Variants in SEPTIN2 observed in about 807,000 individuals in gnomAD.
SEPTIN2 encodes the protein septin 2.
In SEPTIN2, 34 loss-of-function variants were observed where a neutral mutation model predicts 46.5. The observed-to-expected ratio is 0.73, with a 90% CI of 0.56 to 0.97. The LOEUF (loss-of-function observed/expected upper bound fraction) is 0.97. Ranked by LOEUF, SEPTIN2 falls within the 50% of genes least tolerant of loss-of-function variation. SEPTIN2 has a pLI of 0.00. For missense variants in SEPTIN2, 347 were observed against 448.4 expected (o/e 0.77, Z 2.04); for synonymous variants, 175 against 153.4 (o/e 1.14, Z -1.04).
intron 1 of SEPTIN2, among the ~76,000 whole-genome samples, chr2:241,320,784 C>G (rs892363320): frequency 6.6e-6 from 1 of 152,056 alleles, no homozygotes; most frequent in East Asian, 1.9e-4. Context: ...AGCAAAACTC[C>G]ATCTCAAAAA....
At position 241,337,367 on chromosome 2, in the gene SEPTIN2, TTC is replaced by T; in HGVS notation, c.342-13_342-12del. 6.2e-7 allele frequency: 1 copy of T among 1,608,572 alleles called. No individual in the cohort carries two copies. The highest frequency in any genetic ancestry group is 8.5e-7 in the Non-Finnish European group (1 of 1,177,224). ...TATACCCTATGATTATTGTTAATGT[TTC>T]TGTTTCTCTCAGTTTTAAGACAATT... On this transcript the variant is annotated splice_polypyrimidine_tract_variant and intron_variant, in intron 5 of 12. Coordinates refer to ENST00000391971, the MANE Select transcript of SEPTIN2 (RefSeq NM_004404.5).
At chr2:241,323,858 C>G (rs1164993358) in intron 1 of SEPTIN2, among the ~76,000 whole-genome samples, 5 of 152,294 alleles carry the variant, frequency 3.3e-5, no homozygotes, top group African/African-American at 1.2e-4. Flanking sequence ...CTATTGATTA[C>G]ACTTGAAGGG....
rs960426650 is a variant in SEPTIN2, at chr2:241,333,693, C to T, written c.131-1433C>T. Among the ~76,000 whole-genome samples the T allele has an allele frequency of 3.3e-5, 5 of 151,830 alleles. No homozygotes were observed. In the South Asian group the frequency reaches 6.3e-4, roughly 19 times the overall value. On this transcript the variant is annotated intron_variant, in intron 3 of 12. Coordinates refer to ENST00000391971, the MANE Select transcript of SEPTIN2 (RefSeq NM_004404.5). ...TAATTTTTTGTATTTTTAGTAGAGA[C>T]GGGGTTTCACCATGTTAGCCAGGAT...
At chr2:241,336,800 G>A (rs1467328996) in intron 5 of SEPTIN2, 2 of 170,536 alleles carry the variant, frequency 1.2e-5, no homozygotes, top group African/African-American at 4.8e-5. Context: ...TTCCTGAAAA[G>A]AATTGGCAGC....
intron 3 of SEPTIN2, among the ~76,000 whole-genome samples, chr2:241,333,478 G>A (rs1222771724): frequency 6.6e-6 from 1 of 152,138 alleles, no homozygotes; most frequent in Non-Finnish European, 1.5e-5. Flanking sequence ...TTAAAATGCA[G>A]TCCTAATTTT....
intron 1 of SEPTIN2, among the ~76,000 whole-genome samples, chr2:241,320,449 A>G (rs1053600273): frequency 5.3e-5 from 8 of 151,970 alleles, no homozygotes; most frequent in African/African-American, 4.8e-5. Flanking sequence ...CTACTTTTCT[A>G]TATTTGCTAT....
At chr2:241,326,865 G>A (rs892305404) in intron 3 of SEPTIN2, among the ~76,000 whole-genome samples, 4 of 152,104 alleles carry the variant, frequency 2.6e-5, no homozygotes, top group Non-Finnish European at 4.4e-5. Context: ...GAGGCAGGCA[G>A]GAGTTGAAGA....
In SEPTIN2 at chr2:241,324,250, A is replaced by G. The variant is rs370339075; in HGVS notation, c.9+9A>G. 6.5e-5 allele frequency: 105 copies of G among 1,608,794 alleles called. No homozygotes were observed. Among genetic ancestry groups the G allele is most frequent in the South Asian group, 1.3e-4 (12 of 89,350 alleles). On this transcript the variant is annotated intron_variant, in intron 2 of 12. Transcript: ENST00000391971. ...CACAAAAGATGTCTAAGGTAAGATC[A>G]TACTTCATGTATCTACAGCATAAGG...
intron 2 of SEPTIN2, chr2:241,325,332 A>C (rs1156464306): frequency 1.3e-5 from 2 of 152,078 alleles, no homozygotes; most frequent in African/African-American, 4.8e-5. Context: ...CTCTCATCAG[A>C]TACCCTTCTG....
At chr2:241,337,265 T>C (rs893616323) in intron 5 of SEPTIN2, 117 bp from the exon 6 acceptor site, 63 of 999,844 alleles carry the variant, frequency 6.3e-5, no homozygotes, top group Non-Finnish European at 6.5e-5. Flanking sequence ...TGTTCTCATC[T>C]TGAAAATGAA....
intron 3 of SEPTIN2, among the ~76,000 whole-genome samples, chr2:241,328,202 G>A (rs7604629): frequency 0.8 from 121,667 of 152,176 alleles, 48,798 homozygotes; most frequent in East Asian, 0.95. Flanking sequence ...TGGGAGGCCA[G>A]AGCGGGTGGA....
intron 7 of SEPTIN2, among the ~76,000 whole-genome samples, chr2:241,342,285 T>A (rs1222297380): frequency 2.0e-5 from 3 of 152,004 alleles, no homozygotes; most frequent in Non-Finnish European, 4.4e-5. Context: ...ACTTCTCCCT[T>A]CTCTCTGCTT....
At chr2:241,345,990 TC>T (rs760833454) in intron 9 of SEPTIN2, among the ~76,000 whole-genome samples, 175 bp from the exon 10 acceptor site, 5 of 152,208 alleles carry the variant, frequency 3.3e-5, no homozygotes, top group Non-Finnish European at 7.3e-5. Context: ...GAGCTACACC[TC>T]ACTAGACATT....
At chr2:241,330,211 T>TA (rs1248562626) in intron 3 of SEPTIN2, among the ~76,000 whole-genome samples, 11 of 152,112 alleles carry the variant, frequency 7.2e-5, no homozygotes, top group Admixed American at 5.2e-4. Context: ...CGTGTGTTTC[T>TA]AAAAAAATCA....
At chr2:241,331,477 C>T (rs1207369436) in intron 3 of SEPTIN2, among the ~76,000 whole-genome samples, 1 of 152,180 alleles carries the variant, frequency 6.6e-6, no homozygotes, top group Non-Finnish European at 1.5e-5. Context: ...GCAACCTCCA[C>T]CTCCCAGGTT....
intron 7 of SEPTIN2, among the ~76,000 whole-genome samples, chr2:241,340,443 C>T (rs2081100240): frequency 6.6e-6 from 1 of 152,142 alleles, no homozygotes; most frequent in African/African-American, 2.4e-5. Flanking sequence ...TTTTAAGCAG[C>T]ATGTAGTCAT....
At chr2:241,322,288 G>A (rs2149849542) in intron 1 of SEPTIN2, among the ~76,000 whole-genome samples, 1 of 152,200 alleles carries the variant, frequency 6.6e-6, no homozygotes, top group Non-Finnish European at 1.5e-5. Context: ...AAGCTTCAGG[G>A]TTTCTAAAAT....
intron 12 of SEPTIN2, among the ~76,000 whole-genome samples, chr2:241,350,624 A>C (rs538975216): frequency 6.6e-6 from 1 of 152,386 alleles, no homozygotes; most frequent in East Asian, 1.9e-4. Flanking sequence ...TTAAAAGTAG[A>C]GATGGCACAA....
intron 1 of SEPTIN2, chr2:241,316,403 G>C: frequency 1.0e-6 from 1 of 969,828 alleles, no homozygotes; most frequent in East Asian, 3.2e-5. Flanking sequence ...CTTTCTAACG[G>C]TGCCATTTCC....
Sources: gnomAD v4.1 joint callset for allele counts (sites outside exome capture counted in the v4.1 genomes callset) on GRCh38, gnomAD v4.1.1 for gene constraint, MANE v1.5 for transcripts, NCBI Gene and HGNC (gene_info 2026-07-23, HGNC 2026-07-21) for gene names.